The following CLVS1 variants were observed in gnomAD, a reference collection of about 807,000 sequenced individuals.
The protein encoded by CLVS1 is clavesin-1.
In CLVS1, 10 loss-of-function variants were observed where a neutral mutation model predicts 33.1. That is an observed-to-expected ratio of 0.30 (90% CI 0.19 to 0.51). The LOEUF (loss-of-function observed/expected upper bound fraction) is 0.51. Among genes scored for constraint, CLVS1 ranks in the 20% least tolerant of loss-of-function variants. The pLI is 0.97. For synonymous variants in CLVS1, 163 were observed against 166.1 expected (o/e 0.98, Z 0.14); for missense variants, 343 against 433.4 (o/e 0.79, Z 1.85).
intron 2 of CLVS1, among the ~76,000 whole-genome samples, chr8:61,345,163 C>T (rs1812167434): frequency 6.6e-6 from 1 of 152,082 alleles, no homozygotes; most frequent in Non-Finnish European, 1.5e-5. Context: ...GAGCATTGGC[C>T]CCTGATTGCC....
At chr8:61,076,299 A>G (rs1225615161) in intron 1 of CLVS1, among the ~76,000 whole-genome samples, 2 of 151,964 alleles carry the variant, frequency 1.3e-5, no homozygotes, top group African/African-American at 4.8e-5. Context: ...TTTTTCAGTT[A>G]CACATTGGTA....
intron 2 of CLVS1, among the ~76,000 whole-genome samples, chr8:61,167,681 A>G (rs1806906219): frequency 6.6e-6 from 1 of 152,136 alleles, no homozygotes; most frequent in East Asian, 1.9e-4. Context: ...AGGTATTCTA[A>G]GTCACAGGAT....
intron 2 of CLVS1, among the ~76,000 whole-genome samples, chr8:61,189,279 C>G (rs1315242799): frequency 6.6e-6 from 1 of 152,078 alleles, no homozygotes; most frequent in Non-Finnish European, 1.5e-5. Context: ...AACTAAGCTT[C>G]ATAAGTGAAG....
chr8:61,318,208 C>T (rs1184905351), intron 2 of CLVS1, among the ~76,000 whole-genome samples: 1 of 152,180 alleles, frequency 6.6e-6, no homozygotes, highest in African/African-American at 2.4e-5. Context: ...GCTGTTTCTT[C>T]ATAGTAATCT....
chr8:61,343,441 G>T (rs902775284), intron 2 of CLVS1, among the ~76,000 whole-genome samples: 2 of 152,158 alleles, frequency 1.3e-5, no homozygotes, highest in African/African-American at 4.8e-5. Flanking sequence ...TTGTTGCAAT[G>T]GTCTGTGACA....
At chr8:61,232,034 T>TTTTTG (rs1808452095) in intron 2 of CLVS1, among the ~76,000 whole-genome samples, 4 of 133,036 alleles carry the variant, frequency 3.0e-5, no homozygotes, top group African/African-American at 1.3e-4. Context: ...TTTTTTTTTT[T>TTTTTG]TTTTTTTTTT....
intron 2 of CLVS1, among the ~76,000 whole-genome samples, chr8:61,225,381 G>T (rs1808305254): frequency 6.6e-6 from 1 of 152,026 alleles, no homozygotes; most frequent in Non-Finnish European, 1.5e-5. Context: ...ATAGTAGATG[G>T]TTATTATTAA....
intron 2 of CLVS1, chr8:61,202,856 A>G (rs1807764788): frequency 3.1e-6 from 3 of 983,462 alleles, no homozygotes; most frequent in Non-Finnish European, 4.7e-6. Context: ...GATGATGAAG[A>G]AGATGATGAT....
intron 2 of CLVS1, among the ~76,000 whole-genome samples, chr8:61,253,829 T>C (rs1368577911): frequency 1.3e-5 from 2 of 152,170 alleles, no homozygotes; most frequent in Non-Finnish European, 2.9e-5. Flanking sequence ...TGTCTTATCT[T>C]TTTTCAAGGT....
At chr8:61,122,062 AT>A (rs1805881983) in intron 1 of CLVS1, among the ~76,000 whole-genome samples, 1 of 152,234 alleles carries the variant, frequency 6.6e-6, no homozygotes, top group South Asian at 2.1e-4. Flanking sequence ...TTTCTTCTGG[AT>A]TTAACTATAA....
chr8:61,298,441 C>CT (rs1016596952), intron 1 of CLVS1, among the ~76,000 whole-genome samples: 8 of 152,010 alleles, frequency 5.3e-5, no homozygotes, highest in East Asian at 1.9e-4. Flanking sequence ...ATACCAGTTA[C>CT]TTTTTTTTAT....
intron 2 of CLVS1, among the ~76,000 whole-genome samples, chr8:61,312,748 A>G (rs1810872707): frequency 6.6e-6 from 1 of 152,200 alleles, no homozygotes; most frequent in African/African-American, 2.4e-5. Flanking sequence ...CATTTTAAAT[A>G]CAGGGTATTT....
intron 2 of CLVS1, among the ~76,000 whole-genome samples, chr8:61,226,182 G>C (rs1343616754): frequency 1.3e-5 from 2 of 152,174 alleles, no homozygotes; most frequent in Admixed American, 6.5e-5. Context: ...TGCAAATGGA[G>C]CAGAGATGCA....
At chr8:61,092,477 C>T (rs532433348) in intron 1 of CLVS1, among the ~76,000 whole-genome samples, 36 of 152,334 alleles carry the variant, frequency 2.4e-4, no homozygotes, top group African/African-American at 8.4e-4. Context: ...TGTCTTATAG[C>T]TCTGGAGATC....
chr8:61,262,999 T>C (rs775189047), intron 2 of CLVS1, among the ~76,000 whole-genome samples: 2 of 152,166 alleles, frequency 1.3e-5, no homozygotes, highest in Non-Finnish European at 2.9e-5. Flanking sequence ...TGCCACATTG[T>C]CTCAGGGCAG....
At chr8:61,091,870 G>T (rs748655808) in intron 1 of CLVS1, among the ~76,000 whole-genome samples, 6 of 152,176 alleles carry the variant, frequency 3.9e-5, no homozygotes, top group Admixed American at 2.0e-4. Context: ...TAATGCCATG[G>T]TTAAAACTTG....
At chr8:61,031,352 G>T in the CLVS1 span, among the ~76,000 whole-genome samples, 12 of 152,108 alleles carry the variant, frequency 7.9e-5, no homozygotes, top group Non-Finnish European at 1.5e-4. Flanking sequence ...CCTTCGTATG[G>T]GCTTCCTGGT....
chr8:61,013,503 C>G, the CLVS1 span, among the ~76,000 whole-genome samples: 2 of 152,206 alleles, frequency 1.3e-5, no homozygotes, highest in Non-Finnish European at 2.9e-5. Flanking sequence ...TGGTCATTTT[C>G]TTTCCAGATT....
chr8:61,421,319 G>A (rs1465933511), intron 3 of CLVS1, among the ~76,000 whole-genome samples: 1 of 152,186 alleles, frequency 6.6e-6, no homozygotes, highest in Non-Finnish European at 1.5e-5. Context: ...GGCCTGGTGA[G>A]GAGTATATAA....
Sources: allele counts gnomAD v4.1 joint callset (sites outside exome capture counted in the v4.1 genomes callset), GRCh38; gene constraint gnomAD v4.1.1; transcripts MANE v1.5; gene names NCBI Gene and HGNC (gene_info 2026-07-23, HGNC 2026-07-21).